The following IPO11 variants were observed in gnomAD, a reference collection of about 807,000 sequenced individuals.
The protein encoded by IPO11 is importin-11.
Under a neutral mutation model 143.2 loss-of-function variants are expected in IPO11, and 66 were observed. That is an observed-to-expected ratio of 0.46 (90% CI 0.38 to 0.57). The LOEUF is 0.57. Among genes scored for constraint, IPO11 ranks in the 20% least tolerant of loss-of-function variants. IPO11 has a pLI of 0.00. For synonymous variants in IPO11, 385 were observed against 377.8 expected, an observed-to-expected ratio of 1.02 and a Z score of -0.22; for missense variants, 1,026 against 1,141.0, an observed-to-expected ratio of 0.90 and a Z score of 1.45.
intron 27 of IPO11, chr5:62,580,221 TTCAAG>T: frequency 6.4e-7 from 1 of 1,550,846 alleles, no homozygotes; most frequent in East Asian, 2.4e-5. Context: ...TCCTGAAAAA[TTCAAG>T]AATTAGGAAT....
chr5:62,471,962 A>G (rs549105987), intron 7 of IPO11, among the ~76,000 whole-genome samples: 1 of 152,230 alleles, frequency 6.6e-6, no homozygotes, highest in African/African-American at 2.4e-5. Flanking sequence ...GTATTGATAC[A>G]TATTACCAAA....
At chr5:62,531,153 T>C (rs1742529458) in intron 22 of IPO11, among the ~76,000 whole-genome samples, 1 of 152,170 alleles carries the variant, frequency 6.6e-6, no homozygotes, top group Non-Finnish European at 1.5e-5. Flanking sequence ...ATCCCTAATA[T>C]TGACAAATAA....
At chr5:62,581,125 A>T (rs1744541772) in intron 27 of IPO11, 1 of 1,549,842 alleles carries the variant, frequency 6.5e-7, no homozygotes, top group Admixed American at 2.0e-5. Flanking sequence ...AGAAAACTCA[A>T]GGGAAAATAG....
chr5:62,436,397 G>A (rs1363647572), intron 1 of IPO11, among the ~76,000 whole-genome samples: 1 of 152,140 alleles, frequency 6.6e-6, no homozygotes, highest in Non-Finnish European at 1.5e-5. Context: ...ACAGTACAAC[G>A]CTATTCCCTG....
intron 24 of IPO11, among the ~76,000 whole-genome samples, chr5:62,539,216 C>T: frequency 6.6e-6 from 1 of 152,094 alleles, no homozygotes; most frequent in Non-Finnish European, 1.5e-5. Flanking sequence ...GGGCCTTGCT[C>T]TTTCTGAAGG....
intron 19 of IPO11, among the ~76,000 whole-genome samples, chr5:62,513,113 C>T (rs1467880208): frequency 9.9e-5 from 15 of 150,762 alleles, no homozygotes; most frequent in Non-Finnish European, 1.6e-4. Flanking sequence ...ACCTCCCAGA[C>T]GGGGTGGTGG....
At chr5:62,449,715 A>G in intron 3 of IPO11, 1 of 377,776 alleles carries the variant, frequency 2.6e-6, no homozygotes, top group Non-Finnish European at 4.8e-6. Flanking sequence ...ATTTACCAGA[A>G]CCAATTAGGG....
chr5:62,553,590 C>G (rs920125748), intron 26 of IPO11, among the ~76,000 whole-genome samples: 6 of 151,058 alleles, frequency 4.0e-5, no homozygotes, highest in African/African-American at 1.5e-4. Flanking sequence ...AATGGCTACA[C>G]TAGTTTACAT....
chr5:62,418,875 T>G, intron 1 of IPO11: 1 of 977,530 alleles, frequency 1.0e-6, no homozygotes, highest in Non-Finnish European at 1.5e-6. Context: ...TGCAGGGGTT[T>G]CTGTGATTAT....
intron 9 of IPO11, among the ~76,000 whole-genome samples, chr5:62,479,407 T>C (rs1355925544): frequency 6.6e-6 from 1 of 152,226 alleles, no homozygotes; most frequent in Non-Finnish European, 1.5e-5. Context: ...TACGTGTGCC[T>C]GTGTCTTTAT....
At position 62,455,480 on chromosome 5, in the gene IPO11, G is replaced by A. The variant is rs536011913; in HGVS notation, c.516+3547G>A. ...GGAGGCTGCAGTGAACCGAGATTGC[G>A]CCACTATACTCCAGCCTAGACGACA... On this transcript the variant is annotated intron_variant, in intron 5 of 29. Transcript: ENST00000325324. Among the ~76,000 whole-genome samples, 9 of 152,248 alleles carry A rather than the reference G, an allele frequency of 5.9e-5. No homozygotes were observed. In the South Asian group the frequency reaches 8.3e-4, roughly 14 times the overall value.
chr5:62,494,637 A>G (rs1741068191), intron 16 of IPO11, among the ~76,000 whole-genome samples: 2 of 152,152 alleles, frequency 1.3e-5, no homozygotes. Flanking sequence ...CCTTCAAAGC[A>G]GTAGGTTTGC....
At chr5:62,471,532 G>C (rs1225823968) in intron 7 of IPO11, among the ~76,000 whole-genome samples, 1 of 151,998 alleles carries the variant, frequency 6.6e-6, no homozygotes, top group African/African-American at 2.4e-5. Context: ...TACTGCTAAA[G>C]TTTATAAATA....
At chr5:62,479,602 G>A (rs556475685) in intron 9 of IPO11, among the ~76,000 whole-genome samples, 1 of 152,152 alleles carries the variant, frequency 6.6e-6, no homozygotes, top group African/African-American at 2.4e-5. Flanking sequence ...AGCACCTGTT[G>A]TTTCCTGACT....
intron 26 of IPO11, among the ~76,000 whole-genome samples, chr5:62,552,429 T>C (rs1743420224): frequency 6.6e-6 from 1 of 151,624 alleles, no homozygotes; most frequent in African/African-American, 2.4e-5. Context: ...ATATTTTTAT[T>C]AGCTTATTAA....
intron 20 of IPO11, among the ~76,000 whole-genome samples, chr5:62,521,622 G>T (rs977755111): frequency 6.6e-6 from 1 of 151,956 alleles, no homozygotes; most frequent in South Asian, 2.1e-4. Flanking sequence ...TGACTCCATT[G>T]TATTTTATTT....
intron 3 of IPO11, among the ~76,000 whole-genome samples, chr5:62,443,631 T>TG (rs1441556849): frequency 3.3e-5 from 5 of 150,016 alleles, no homozygotes; most frequent in African/African-American, 1.0e-4. Flanking sequence ...GGTTAGGATT[T>TG]GGAAGAAAAA....
intron 1 of IPO11, among the ~76,000 whole-genome samples, chr5:62,417,481 A>C (rs1319676138): frequency 2.0e-5 from 3 of 151,696 alleles, no homozygotes; most frequent in Admixed American, 6.6e-5. Context: ...TCGTTCTTGA[A>C]ATTTTCTTCT....
intron 22 of IPO11, among the ~76,000 whole-genome samples, chr5:62,531,608 G>A (rs1389026855): frequency 6.6e-6 from 1 of 151,862 alleles, no homozygotes; most frequent in East Asian, 1.9e-4. Flanking sequence ...GATTATTAGA[G>A]GCAAAAAATG....
Sources: allele counts gnomAD v4.1 joint callset (sites outside exome capture counted in the v4.1 genomes callset), GRCh38; gene constraint gnomAD v4.1.1; transcripts MANE v1.5; gene names NCBI Gene and HGNC (gene_info 2026-07-23, HGNC 2026-07-21).